MIOS: variants seen among roughly 807,000 people sequenced by gnomAD.
MIOS encodes GATOR2 complex protein MIOS.
A neutral mutation model predicts 96.9 loss-of-function variants in MIOS; 52 were observed. The ratio of observed to expected loss-of-function variants is 0.54; its 90% CI spans 0.43 to 0.68. The LOEUF (loss-of-function observed/expected upper bound fraction) is 0.68. Among genes scored for constraint, MIOS ranks in the 30% least tolerant of loss-of-function variants. The probability of loss-of-function intolerance (pLI) is 0.00; values close to 1 mark genes in which losing one functional copy is unlikely to be tolerated. For missense variants in MIOS, 1,005 were observed against 1,052.8 expected (o/e 0.95, Z 0.63); for synonymous variants, 397 against 359.5 (o/e 1.10, Z -1.18).
intron 6 of MIOS, 37 bp from the exon 7 acceptor site, chr7:7,585,599 T>C: frequency 2.0e-6 from 3 of 1,527,182 alleles, no homozygotes; most frequent in Non-Finnish European, 1.8e-6. Flanking sequence ...ATTAAGCTTT[T>C]GATCACTTTG....
intron 9 of MIOS, among the ~76,000 whole-genome samples, chr7:7,593,181 G>A (rs941063085): frequency 1.3e-5 from 2 of 152,182 alleles, no homozygotes; most frequent in Non-Finnish European, 2.9e-5. Context: ...TTTTAAACCA[G>A]GGATTATATG....
At chr7:7,584,006 T>C (rs1335025160) in intron 6 of MIOS, among the ~76,000 whole-genome samples, 1 of 152,122 alleles carries the variant, frequency 6.6e-6, no homozygotes, top group Non-Finnish European at 1.5e-5. Context: ...TTTTTTCTTA[T>C]CAGGAATATT....
intron 8 of MIOS, 60 bp from the exon 9 acceptor site, chr7:7,589,345 T>C (rs1048007140): frequency 6.9e-7 from 1 of 1,447,326 alleles, no homozygotes; most frequent in African/African-American, 1.4e-5. Context: ...AATGTAGTTT[T>C]GAAGTACAAA....
chr7:7,584,399 G>A (rs1051759625), intron 6 of MIOS, among the ~76,000 whole-genome samples: 2 of 152,074 alleles, frequency 1.3e-5, no homozygotes, highest in African/African-American at 2.4e-5. Flanking sequence ...TTTGGTGGTC[G>A]ATTTAAACAC....
At chr7:7,569,311 G>GT (rs937905655) in intron 3 of MIOS, among the ~76,000 whole-genome samples, 8 of 151,938 alleles carry the variant, frequency 5.3e-5, no homozygotes, top group African/African-American at 1.5e-4. Context: ...TACAGTGCAG[G>GT]TTTTTTTTAG....
At chr7:7,580,723 A>C (rs1475720761) in intron 5 of MIOS, among the ~76,000 whole-genome samples, 1 of 145,576 alleles carries the variant, frequency 6.9e-6, no homozygotes, top group East Asian at 2.0e-4. Context: ...AAGAGACAGA[A>C]TCTCACTCTG....
intron 9 of MIOS, among the ~76,000 whole-genome samples, chr7:7,592,200 G>A (rs1784069659): frequency 6.6e-6 from 1 of 152,194 alleles, no homozygotes; most frequent in African/African-American, 2.4e-5. Flanking sequence ...TGTTGGCCAT[G>A]CTGATCTTAA....
intron 8 of MIOS, among the ~76,000 whole-genome samples, chr7:7,589,159 C>G (rs1783975486): frequency 6.6e-6 from 1 of 152,036 alleles, no homozygotes. Flanking sequence ...AATAAACCAT[C>G]TATAGTTCTT....
intron 11 of MIOS, among the ~76,000 whole-genome samples, chr7:7,604,792 A>C (rs1158411244): frequency 6.6e-6 from 1 of 152,154 alleles, no homozygotes; most frequent in African/African-American, 2.4e-5. Context: ...CCTTGTTCTG[A>C]TTCAGTCTGT....
intron 5 of MIOS, among the ~76,000 whole-genome samples, chr7:7,581,315 G>T (rs1783718317): frequency 6.6e-6 from 1 of 151,876 alleles, no homozygotes; most frequent in Non-Finnish European, 1.5e-5. Flanking sequence ...AAAAAGAAAA[G>T]AAAAATTTTA....
intron 2 of MIOS, 138 bp downstream of exon 2, chr7:7,567,826 G>C (rs1217786658): frequency 6.6e-6 from 1 of 152,182 alleles, no homozygotes; most frequent in African/African-American, 2.4e-5. Flanking sequence ...ATACACATCG[G>C]ATTTCCCAGA....
At chr7:7,583,565 T>C (rs1006793687) in intron 6 of MIOS, among the ~76,000 whole-genome samples, 193 bp downstream of exon 6, 1 of 152,198 alleles carries the variant, frequency 6.6e-6, no homozygotes, top group African/African-American at 2.4e-5. Flanking sequence ...TGCCTTGGTT[T>C]AGGGCTGTAA....
intron 7 of MIOS, among the ~76,000 whole-genome samples, 200 bp downstream of exon 7, chr7:7,586,005 C>G (rs1175060099): frequency 1.3e-5 from 2 of 151,792 alleles, no homozygotes; most frequent in East Asian, 1.9e-4. Context: ...TAACTGATAC[C>G]AAACTGGATT....
intron 5 of MIOS, among the ~76,000 whole-genome samples, chr7:7,579,556 A>G (rs1029694161): frequency 1.3e-5 from 2 of 152,240 alleles, no homozygotes; most frequent in Admixed American, 6.5e-5. Context: ...CTTGCTATAA[A>G]GCAGAGGTGT....
chr7:7,588,754 T>C (rs1783963072), intron 8 of MIOS, among the ~76,000 whole-genome samples, 191 bp downstream of exon 8: 1 of 152,188 alleles, frequency 6.6e-6, no homozygotes, highest in African/African-American at 2.4e-5. Flanking sequence ...TTTAGAATAC[T>C]GACAATATTT....
In MIOS at chr7:7,572,272, A is replaced by G. The variant is rs565510486; in HGVS notation, c.-40-164A>G. ...GGTTGTTCTTTCTCCTTTTTTTTCA[A>G]TAAATATTTTCTTGAATTCATAGCA... On this transcript the variant is annotated intron_variant, in intron 3 of 12. Coordinates refer to ENST00000340080, the MANE Select transcript of MIOS (RefSeq NM_019005.4). The surrounding 1 kb of genome is among the most constrained non-coding windows in gnomAD (Gnocchi z 4.8). 1.2e-4 allele frequency among the ~76,000 whole-genome samples: 18 copies of G among 152,268 alleles called. No individual in the cohort carries two copies. In the South Asian group the frequency reaches 3.7e-3, roughly 32 times the overall value.
intron 12 of MIOS, 67 bp from the exon 13 acceptor site, chr7:7,606,928 TA>T: frequency 8.5e-7 from 1 of 1,179,976 alleles, no homozygotes; most frequent in Non-Finnish European, 1.2e-6. Context: ...TCTTAAAAAA[TA>T]AATAAATAAA....
intron 5 of MIOS, among the ~76,000 whole-genome samples, chr7:7,578,966 C>T (rs1783624465): frequency 6.6e-6 from 1 of 152,194 alleles, no homozygotes; most frequent in South Asian, 2.1e-4. Context: ...CTGCCTCGGG[C>T]TCCCAAAGTG....
Position 7,608,505 on chromosome 7 carries a change from A to C in MIOS, c.*1413A>C, listed in dbSNP as rs1784588585. 6.6e-6 allele frequency: 1 copy of C among 152,034 alleles called. No homozygotes were observed. The highest frequency in any genetic ancestry group is 6.6e-5 in the Admixed American group (1 of 15,234). 9.4% of individuals were successfully genotyped at this position (152,034 alleles called of 1,614,324 possible). A position where few individuals can be genotyped will look rare whatever the true frequency, so the allele number is the denominator to read the frequency against. ...AAAACATTGGAAGTAGTACATATTT[A>C]CTCTAAATGTCTCACCTGCATGACA... is the stretch of plus-strand genomic sequence containing the variant. On this transcript the variant is annotated 3_prime_UTR_variant, in exon 13 of 13. Transcript: ENST00000340080.
Sources: allele counts gnomAD v4.1 joint callset (sites outside exome capture counted in the v4.1 genomes callset), GRCh38; gene constraint gnomAD v4.1.1; non-coding constraint Gnocchi (gnomAD v3.1); transcripts MANE v1.5; gene names NCBI Gene and HGNC (gene_info 2026-07-23, HGNC 2026-07-21).